Variants in DPY19L1 observed in about 807,000 individuals in gnomAD.
DPY19L1 encodes the protein dpy-19 like C-mannosyltransferase 1, also known as protein C-mannosyl-transferase DPY19L1.
Under a neutral mutation model 96.9 loss-of-function variants are expected in DPY19L1, and 35 were observed. That is an observed-to-expected ratio of 0.36 (90% CI 0.28 to 0.48). The LOEUF (loss-of-function observed/expected upper bound fraction) is 0.48. Among genes scored for constraint, DPY19L1 ranks in the 20% least tolerant of loss-of-function variants. DPY19L1 has a pLI of 0.99. For synonymous variants in DPY19L1, 205 were observed against 252.6 expected (o/e 0.81, Z 1.79); for missense variants, 521 against 777.9 (o/e 0.67, Z 3.93).
At chr7:34,949,358 C>T (rs540174391) in intron 14 of DPY19L1, among the ~76,000 whole-genome samples, 44 of 152,266 alleles carry the variant, frequency 2.9e-4, no homozygotes, top group Middle Eastern at 3.4e-3. Context: ...CACTAAACTA[C>T]TCTCTGCTTT....
chr7:35,034,913 A>C (rs1786351142), intron 1 of DPY19L1, among the ~76,000 whole-genome samples: 1 of 152,214 alleles, frequency 6.6e-6, no homozygotes. Context: ...ATGTCAGCTC[A>C]ACTCTCACTC....
At chr7:34,987,110 T>A (rs1490684944) in intron 7 of DPY19L1, among the ~76,000 whole-genome samples, 2 of 152,042 alleles carry the variant, frequency 1.3e-5, no homozygotes, top group Admixed American at 6.6e-5. Flanking sequence ...CATGTGCTTT[T>A]CTATCAGCAT....
intron 15 of DPY19L1, among the ~76,000 whole-genome samples, chr7:34,946,626 C>A (rs1343009395): frequency 2.0e-5 from 3 of 152,222 alleles, no homozygotes; most frequent in African/African-American, 7.2e-5. Context: ...CAAAGCCTAG[C>A]ACACAGCAGG....
intron 1 of DPY19L1, among the ~76,000 whole-genome samples, chr7:35,023,652 C>T (rs1470773293): frequency 6.6e-6 from 1 of 152,074 alleles, no homozygotes. Context: ...TTCTAAGAGG[C>T]TATTCCCTCC....
intron 10 of DPY19L1, among the ~76,000 whole-genome samples, chr7:34,965,646 C>T (rs897089871): frequency 2.0e-5 from 3 of 152,012 alleles, no homozygotes; most frequent in Admixed American, 6.6e-5. Context: ...CTTCCTTACA[C>T]ATTATAAATG....
At chr7:35,031,880 G>T (rs1429174569) in intron 1 of DPY19L1, among the ~76,000 whole-genome samples, 1 of 152,104 alleles carries the variant, frequency 6.6e-6, no homozygotes, top group Non-Finnish European at 1.5e-5. Flanking sequence ...AAACATTAAA[G>T]AAATTCTTTA....
intron 6 of DPY19L1, among the ~76,000 whole-genome samples, chr7:34,995,203 G>T (rs966914315): frequency 6.6e-6 from 1 of 152,046 alleles, no homozygotes; most frequent in Non-Finnish European, 1.5e-5. Flanking sequence ...ATCCATAGAG[G>T]CTACTAAGTC....
intron 1 of DPY19L1, among the ~76,000 whole-genome samples, chr7:35,034,808 C>T (rs1166736064): frequency 6.6e-6 from 1 of 152,072 alleles, no homozygotes; most frequent in East Asian, 1.9e-4. Flanking sequence ...TTTTTTTGAT[C>T]AGTTACAAAT....
chr7:34,950,915 T>C (rs1288659105), intron 13 of DPY19L1, among the ~76,000 whole-genome samples: 5 of 152,080 alleles, frequency 3.3e-5, no homozygotes, highest in Non-Finnish European at 7.4e-5. Context: ...AAATCTAATA[T>C]TATATTGTCA....
rs1350347583 is a variant in DPY19L1, at chr7:34,930,597, T to C, written c.*976A>G. 1 of 152,200 alleles carries C rather than the reference T, an allele frequency of 6.6e-6. No individual in the cohort carries two copies. Among genetic ancestry groups the C allele is most frequent in the Non-Finnish European group, 1.5e-5 (1 of 68,034 alleles). The allele number at this position is 152,200 out of a possible 1,614,324, so 9.4% of individuals were successfully genotyped here. A position where few individuals can be genotyped will look rare whatever the true frequency, so the allele number is the denominator to read the frequency against. On this transcript the variant is annotated 3_prime_UTR_variant, in exon 22 of 22. Transcript: ENST00000638088. ...TAATAGTAAAAGAAAAATTACCATG[T>C]ACTACAGTCTACTGTTCCACTATAA...
At chr7:35,014,587 A>C (rs1196712458) in intron 3 of DPY19L1, among the ~76,000 whole-genome samples, 3 of 152,158 alleles carry the variant, frequency 2.0e-5, no homozygotes, top group Admixed American at 6.5e-5. Context: ...TACAAAAGAG[A>C]TATGCCTATC....
chr7:34,987,332 T>C (rs1785071999), intron 7 of DPY19L1, among the ~76,000 whole-genome samples: 1 of 152,076 alleles, frequency 6.6e-6, no homozygotes, highest in South Asian at 2.1e-4. Context: ...TTATAAACCC[T>C]TTTACTGCAT....
At chr7:34,944,597 TAC>T (rs1287220183) in intron 16 of DPY19L1, among the ~76,000 whole-genome samples, 2 of 151,908 alleles carry the variant, frequency 1.3e-5, no homozygotes, top group Non-Finnish European at 2.9e-5. Flanking sequence ...AATTATCCTA[TAC>T]ACACACACAC....
chr7:35,014,434 A>ATG (rs1785792161), intron 3 of DPY19L1, among the ~76,000 whole-genome samples: 2 of 151,626 alleles, frequency 1.3e-5, no homozygotes, highest in Admixed American at 6.6e-5. Flanking sequence ...AGCCTAACGG[A>ATG]GAGTCTAAGT....
At chr7:35,020,517 T>C (rs1029141943) in intron 1 of DPY19L1, among the ~76,000 whole-genome samples, 1 of 152,264 alleles carries the variant, frequency 6.6e-6, no homozygotes, top group Non-Finnish European at 1.5e-5. Flanking sequence ...GCATTTCTTA[T>C]GAAGTTTCTC....
At chr7:34,940,378 ATC>A in intron 18 of DPY19L1, 51 bp from the exon 19 acceptor site, 8 of 1,497,758 alleles carry the variant, frequency 5.3e-6, no homozygotes, top group Non-Finnish European at 7.2e-6. Context: ...AGTAGTATGC[ATC>A]TGTTATGCAA....
chr7:34,984,971 T>C (rs1376906809), intron 7 of DPY19L1, among the ~76,000 whole-genome samples: 2 of 152,150 alleles, frequency 1.3e-5, no homozygotes, highest in Admixed American at 1.3e-4. Flanking sequence ...TTGTTTTACT[T>C]GCACATCTCA....
At chr7:35,003,055 C>T (rs1462724286) in intron 6 of DPY19L1, among the ~76,000 whole-genome samples, 1 of 152,146 alleles carries the variant, frequency 6.6e-6, no homozygotes, top group Non-Finnish European at 1.5e-5. Context: ...CAGGCGTGAG[C>T]CACCGTGCCC....
Position 34,929,145 on chromosome 7 carries a change from T to C in DPY19L1, c.*2428A>G, listed in dbSNP as rs1236716211. On this transcript the variant is annotated 3_prime_UTR_variant, in exon 22 of 22. Transcript: ENST00000638088. ...GCTATTTTGATCGCTTCTTTGCCCA[T>C]CCTTACTTTCCTCATACTAAAGCAA... is the stretch of plus-strand genomic sequence containing the variant. The C allele has an allele frequency of 6.6e-6, 1 of 152,242 alleles. No homozygotes were observed. The allele number at this position is 152,242 out of a possible 1,614,324, so 9.4% of individuals were successfully genotyped here. A position where few individuals can be genotyped will look rare whatever the true frequency, so the allele number is the denominator to read the frequency against.
Sources: gnomAD v4.1 joint callset for allele counts (sites outside exome capture counted in the v4.1 genomes callset) on GRCh38, gnomAD v4.1.1 for gene constraint, MANE v1.5 for transcripts, NCBI Gene and HGNC (gene_info 2026-07-23, HGNC 2026-07-21) for gene names.